Variants in ERV3-1 observed in about 807,000 individuals in gnomAD.
ERV3-1 encodes endogenous retrovirus group 3 member 1, envelope, also known as endogenous retrovirus group 3 member 1 Env polyprotein.
In ERV3-1, 36 loss-of-function variants were observed where a neutral mutation model predicts 24.6. The observed-to-expected ratio is 1.47, with a 90% CI of 1.12 to 1.94. The LOEUF is 1.94. ERV3-1 is among the 30% of genes most tolerant of loss of function. The probability of loss-of-function intolerance (pLI) is 0.00; values close to 1 mark genes in which losing one functional copy is unlikely to be tolerated. For missense variants in ERV3-1, 578 were observed against 330.9 expected (o/e 1.75, Z -5.79); for synonymous variants, 211 against 122.6 (o/e 1.72, Z -4.76).
chr7:64,990,411 C>T lies in ERV3-1; in HGVS notation c.*801G>A. On this transcript the variant is annotated 3_prime_UTR_variant, in exon 2 of 2. Transcript: ENST00000394323. ...GCCACTGGCCCAGCGGATTAACATC[C>T]AAAGGCTGAGCCCTGAACAAAGACA... The T allele has an allele frequency of 1.1e-5, 2 of 185,662 alleles. No homozygotes were observed. The highest frequency in any genetic ancestry group is 2.3e-5 in the Non-Finnish European group (2 of 88,490). The allele number at this position is 185,662 out of a possible 1,614,324, so 11.5% of individuals were successfully genotyped here. A position where few individuals can be genotyped will look rare whatever the true frequency, so the allele number is the denominator to read the frequency against.
Position 64,994,449 on chromosome 7 carries a change from A to G in ERV3-1, c.-388-1035T>C, listed in dbSNP as rs115473919. 7.3e-3 allele frequency among the ~76,000 whole-genome samples: 1,110 copies of G among 151,988 alleles called. 12 individuals are homozygous for G. Among genetic ancestry groups the G allele is most frequent in the African/African-American group, 0.024 (981 of 41,436 alleles). ...CTTCTCATTCGGAGAGTAACTTGAGACCTCCTGGAGGGGAGGCTCTGGGAG... is the reference window on the plus strand; with the variant it reads ...CTTCTCATTCGGAGAGTAACTTGAGGCCTCCTGGAGGGGAGGCTCTGGGAG... On this transcript the variant is annotated intron_variant, in intron 1 of 1. Coordinates refer to ENST00000394323, the MANE Select transcript of ERV3-1 (RefSeq NM_001007253.4).
At chr7:64,999,656 A>G (rs887953127) in intron 1 of ERV3-1, among the ~76,000 whole-genome samples, 1 of 152,274 alleles carries the variant, frequency 6.6e-6, no homozygotes, top group African/African-American at 2.4e-5. Flanking sequence ...AAAGAAAAAC[A>G]GGAACTTATG....
chr7:65,006,134 C>A, intron 1 of ERV3-1: 1 of 188,186 alleles, frequency 5.3e-6, no homozygotes, highest in Non-Finnish European at 1.1e-5. Context: ...CGGAGACTTC[C>A]ACAAATTTTT....
chr7:65,002,039 T>C (rs990249676), intron 1 of ERV3-1, among the ~76,000 whole-genome samples: 2 of 152,312 alleles, frequency 1.3e-5, no homozygotes, highest in South Asian at 4.1e-4. Flanking sequence ...CCATTTATTA[T>C]ACAAAATACA....
At chr7:64,995,127 C>T (rs931404252) in intron 1 of ERV3-1, among the ~76,000 whole-genome samples, 3 of 152,228 alleles carry the variant, frequency 2.0e-5, no homozygotes, top group Non-Finnish European at 4.4e-5. Flanking sequence ...GGTATCAAGT[C>T]ATCGTTGGGT....
intron 1 of ERV3-1, among the ~76,000 whole-genome samples, chr7:64,997,864 T>A (rs1016697219): frequency 2.0e-5 from 3 of 152,058 alleles, no homozygotes; most frequent in African/African-American, 7.2e-5. Context: ...GTTTAGGAGA[T>A]CAGTGGTTGA....
chr7:64,991,383 A>G lies in ERV3-1; in HGVS notation c.1644T>C (p.Tyr548=), dbSNP rs1029262269. 7.1e-6 allele frequency: 5 copies of G among 704,074 alleles called. No homozygotes were observed. In the Admixed American group the frequency reaches 1.0e-4, roughly 14 times the overall value. The allele number at this position is 704,074 out of a possible 1,614,324, so 43.6% of individuals were successfully genotyped here. A position where few individuals can be genotyped will look rare whatever the true frequency, so the allele number is the denominator to read the frequency against. ...GGTAGTCTAAGGCCAGTCTATTTTG[A>G]TAAATGACATTTCTCATTTTTGTGG... ...QQATKMRNVI[Y]QNRLALDYLL... The change falls in exon 2 of 2, where the codon TAT becomes TAC. Residue 548 remains tyrosine (Y), a synonymous_variant. Coordinates refer to ENST00000394323, the MANE Select transcript of ERV3-1 (RefSeq NM_001007253.4).
At position 64,996,487 on chromosome 7, in the gene ERV3-1, C is replaced by T. The variant is rs544483950; in HGVS notation, c.-388-3073G>A. On this transcript the variant is annotated intron_variant, in intron 1 of 1. Coordinates refer to ENST00000394323, the MANE Select transcript of ERV3-1 (RefSeq NM_001007253.4). Reference sequence around the variant, plus strand: ...TCCTGCGTACAAGGCTGCATTGGTGCCTGTACTTCATGTATAGTCTCCATT... The same window carrying T: ...TCCTGCGTACAAGGCTGCATTGGTGTCTGTACTTCATGTATAGTCTCCATT... 3.9e-5 allele frequency among the ~76,000 whole-genome samples: 6 copies of T among 152,294 alleles called. No individual in the cohort carries two copies. The South Asian group carries it at 1.2e-3, about 32-fold the overall frequency.
In ERV3-1 at chr7:64,992,382, A is replaced by C. The variant is rs757367180; in HGVS notation, c.645T>G (p.Gly215=). The change falls in exon 2 of 2, where the codon GGT becomes GGG. Residue 215 remains glycine, a synonymous_variant. Transcript: ENST00000394323. ...LEPDQPIWTT[G]LKAPLGARVS... Reference sequence around the variant, plus strand: ...CTCGTGCCCCTAGCGGTGCTTTTAAACCTGTTGTCCATATGGGCTGATCTG... The same window carrying C: ...CTCGTGCCCCTAGCGGTGCTTTTAACCCTGTTGTCCATATGGGCTGATCTG... The C allele has an allele frequency of 3.5e-5, 27 of 766,166 alleles. No individual in the cohort carries two copies. In the Middle Eastern group the frequency reaches 9.0e-4, roughly 25 times the overall value. The allele number at this position is 766,166 out of a possible 1,614,324, so 47.5% of individuals were successfully genotyped here. A position where few individuals can be genotyped will look rare whatever the true frequency, so the allele number is the denominator to read the frequency against.
In ERV3-1 at chr7:64,992,305, T is replaced by G. The variant is rs1483244314; in HGVS notation, c.722A>C (p.Lys241Thr). 1.3e-6 allele frequency: 1 copy of G among 766,278 alleles called. No homozygotes were observed. The highest frequency in any genetic ancestry group is 2.4e-6 in the Non-Finnish European group (1 of 417,870). 47.5% of individuals were successfully genotyped at this position (766,278 alleles called of 1,614,324 possible). ...TTGGGTTGAGCGGGTCCGAGTTTTCTTTATGATATATAGATAGACATAGGC... is the reference window on the plus strand; with the variant it reads ...TTGGGTTGAGCGGGTCCGAGTTTTCGTTATGATATATAGATAGACATAGGC... ...PGAYVYLYII[K>T]KTRTRSTQQF... The change falls in exon 2 of 2, where the codon AAG (lysine) becomes ACG (threonine). Residue 241 changes from lysine to threonine, a missense_variant. Transcript: ENST00000394323.
In ERV3-1 at chr7:64,992,168, G is replaced by T; in HGVS notation, c.859C>A (p.Leu287Met). The T allele has an allele frequency of 1.3e-6, 1 of 766,438 alleles. No individual in the cohort carries two copies. The highest frequency in any genetic ancestry group is 2.4e-6 in the Non-Finnish European group (1 of 417,912). The allele number at this position is 766,438 out of a possible 1,614,324, so 47.5% of individuals were successfully genotyped here. A position where few individuals can be genotyped will look rare whatever the true frequency, so the allele number is the denominator to read the frequency against. The change falls in exon 2 of 2, where the codon CTG becomes ATG. Residue 287 changes from leucine to methionine, a missense_variant. Leu to Met is a conservative substitution (Grantham distance 15, BLOSUM62 2). Transcript: ENST00000394323. ...CAGACATAACATGAAGCAACGTGCA[G>T]GCTGCTGGCTATGTTTTCAGCCAGT... Reference protein sequence around the residue: ...AQLAENIASSLHVASCYVCGG... With the variant: ...AQLAENIASSMHVASCYVCGG...
rs200537808 is a variant in ERV3-1, at chr7:64,991,412, G to C, written c.1615C>G (p.Gln539Glu). ...TAGALNLLAQ[Q>E]ATKMRNVIYQ... ...ATGACATTTCTCATTTTTGTGGCTT[G>C]CTGGGCAAGCAGATTCAAGGCCCCT... Residue 539 changes from glutamine (Q) to glutamate (E), a missense_variant, in exon 2 of 2, where the codon CAA becomes GAA. Coordinates refer to ENST00000394323, the MANE Select transcript of ERV3-1 (RefSeq NM_001007253.4). 4 of 696,990 alleles carry C rather than the reference G, an allele frequency of 5.7e-6. No individual in the cohort carries two copies. The highest frequency in any genetic ancestry group is 3.5e-5 in the African/African-American group (2 of 57,214). 43.2% of individuals were successfully genotyped at this position (696,990 alleles called of 1,614,324 possible). A position where few individuals can be genotyped will look rare whatever the true frequency, so the allele number is the denominator to read the frequency against.
At position 64,991,811 on chromosome 7, in the gene ERV3-1, C is replaced by A; in HGVS notation, c.1216G>T (p.Glu406Ter). ...PSLNHSWYQL[E>*]APNTWQAPSG... ...GGTGCCTGCCAGGTATTTGGAGCTT[C>A]AAGTTGGTACCAAGAATGGTTTAAA... is the stretch of plus-strand genomic sequence containing the variant. The change falls in exon 2 of 2, where the codon GAA becomes TAA. Residue 406 changes from glutamate (E) to a stop codon, truncating the protein, a stop_gained. Transcript: ENST00000394323. LOFTEE classifies it high-confidence loss of function. 1 of 766,186 alleles carries A rather than the reference C, an allele frequency of 1.3e-6. No homozygotes were observed. Among genetic ancestry groups the A allele is most frequent in the South Asian group, 1.3e-5 (1 of 74,610 alleles). 47.5% of individuals were successfully genotyped at this position (766,186 alleles called of 1,614,324 possible). A position where few individuals can be genotyped will look rare whatever the true frequency, so the allele number is the denominator to read the frequency against.
At chr7:65,002,008 A>G (rs1165591314) in intron 1 of ERV3-1, among the ~76,000 whole-genome samples, 1 of 152,224 alleles carries the variant, frequency 6.6e-6, no homozygotes, top group African/African-American at 2.4e-5. Flanking sequence ...GAACTCAGCA[A>G]AATACTGTAG....
chr7:64,999,669 A>T (rs1786478374), intron 1 of ERV3-1, among the ~76,000 whole-genome samples: 1 of 152,256 alleles, frequency 6.6e-6, no homozygotes, highest in Non-Finnish European at 1.5e-5. Flanking sequence ...AACTTATGAA[A>T]TCTTTGCAAA....
intron 1 of ERV3-1, among the ~76,000 whole-genome samples, chr7:64,999,838 T>C (rs546037338): frequency 2.6e-5 from 4 of 152,160 alleles, no homozygotes; most frequent in Non-Finnish European, 5.9e-5. Flanking sequence ...TTGCAGATAA[T>C]GTTATCATAG....
intron 1 of ERV3-1, among the ~76,000 whole-genome samples, chr7:64,995,617 T>G (rs922622932): frequency 2.6e-5 from 4 of 152,114 alleles, no homozygotes; most frequent in Non-Finnish European, 4.4e-5. Flanking sequence ...TGGCGCCAGG[T>G]GGTTGGAGTT....
At chr7:64,998,590 C>T (rs961160210) in intron 1 of ERV3-1, among the ~76,000 whole-genome samples, 1 of 152,134 alleles carries the variant, frequency 6.6e-6, no homozygotes, top group Non-Finnish European at 1.5e-5. Flanking sequence ...TTGATGACTT[C>T]CCTCCCATTT....
intron 1 of ERV3-1, 124 bp downstream of exon 1, chr7:65,006,417 G>A (rs1786651877): frequency 6.9e-7 from 1 of 1,446,430 alleles, no homozygotes; most frequent in African/African-American, 1.4e-5. Context: ...CTGCGCCAAG[G>A]AGAACTCGGG....
Sources: allele counts gnomAD v4.1 joint callset (sites outside exome capture counted in the v4.1 genomes callset), GRCh38; gene constraint gnomAD v4.1.1; transcripts MANE v1.5; gene names NCBI Gene and HGNC (gene_info 2026-07-23, HGNC 2026-07-21).